XKR3: variants seen among roughly 807,000 people sequenced by gnomAD.
XKR3 encodes XK-related protein 3.
In XKR3, 27 loss-of-function variants were observed where a neutral mutation model predicts 40.3. The ratio of observed to expected loss-of-function variants is 0.67; its 90% CI spans 0.49 to 0.92. The LOEUF is 0.92. Among genes scored for constraint, XKR3 ranks in the 40% least tolerant of loss-of-function variants. The pLI is 0.00. For missense variants in XKR3, 472 were observed against 537.6 expected, an observed-to-expected ratio of 0.88 and a Z score of 1.21; for synonymous variants, 193 against 195.4, an observed-to-expected ratio of 0.99 and a Z score of 0.10.
intron 3 of XKR3, among the ~76,000 whole-genome samples, chr22:16,797,543 A>G (rs2146153019): frequency 6.6e-6 from 1 of 152,310 alleles, no homozygotes; most frequent in South Asian, 2.1e-4. Flanking sequence ...CTGTAATCCC[A>G]GCACTTTGGG....
chr22:16,821,836 T>C (rs2060257550), intron 1 of XKR3: 1 of 152,138 alleles, frequency 6.6e-6, no homozygotes, highest in African/African-American at 2.4e-5. Context: ...AATATGATTA[T>C]TTTATGTGAA....
At chr22:16,815,963 TGC>T (rs2060231561) in intron 1 of XKR3, among the ~76,000 whole-genome samples, 1 of 151,934 alleles carries the variant, frequency 6.6e-6, no homozygotes, top group Non-Finnish European at 1.5e-5. Context: ...CCTTATTGCT[TGC>T]ATTTTTTCTA....
chr22:16,814,506 A>G (rs1347765761), intron 1 of XKR3, among the ~76,000 whole-genome samples: 1 of 152,158 alleles, frequency 6.6e-6, no homozygotes, highest in Non-Finnish European at 1.5e-5. Context: ...AGCTATTTTT[A>G]TAAAGAAGCC....
At chr22:16,785,335 A>C (rs1441022338) in intron 3 of XKR3, among the ~76,000 whole-genome samples, 1 of 152,002 alleles carries the variant, frequency 6.6e-6, no homozygotes, top group African/African-American at 2.4e-5. Context: ...AAACAAAAAA[A>C]AAGAAGTGTG....
intron 1 of XKR3, among the ~76,000 whole-genome samples, 52 bp downstream of exon 1, chr22:16,825,239 A>G (rs1475784991): frequency 6.6e-6 from 1 of 152,152 alleles, no homozygotes; most frequent in Admixed American, 6.5e-5. Context: ...GGCAGAGGTC[A>G]AGGTAGGCTG....
intron 3 of XKR3, among the ~76,000 whole-genome samples, chr22:16,786,769 T>G (rs2060092480): frequency 6.6e-6 from 1 of 152,130 alleles, no homozygotes; most frequent in African/African-American, 2.4e-5. Flanking sequence ...AGGCTTACTG[T>G]AGAAAGAAGC....
intron 1 of XKR3, among the ~76,000 whole-genome samples, chr22:16,808,941 A>G (rs2060201951): frequency 6.6e-6 from 1 of 152,206 alleles, no homozygotes; most frequent in South Asian, 2.1e-4. Context: ...TTGAAAGCAC[A>G]AAAAATGAGT....
chr22:16,799,983 T>C lies in XKR3; in HGVS notation c.377A>G (p.Asn126Ser). 1 of 1,614,120 alleles carries C rather than the reference T, an allele frequency of 6.2e-7. No individual in the cohort carries two copies. Among genetic ancestry groups the C allele is most frequent in the Non-Finnish European group, 8.5e-7 (1 of 1,180,008 alleles). Residue 126 changes from asparagine to serine, a missense_variant, in exon 3 of 4, where the codon AAT (asparagine) becomes AGT (serine). Asn to Ser is a conservative substitution (Grantham distance 46). Transcript: ENST00000684488. ...TIRNYHKWLK[N>S]LKQEKEETQV... ...AGTCTCTTCCTTCTCCTGTTTAAGA[T>C]TTTTCAACCATTTGTGGTAATTTCT...
intron 1 of XKR3, among the ~76,000 whole-genome samples, chr22:16,823,544 T>A (rs917049112): frequency 6.6e-6 from 1 of 152,208 alleles, no homozygotes. Context: ...TAAAATAAAC[T>A]TAAACACCTT....
chr22:16,795,165 C>T (rs969755924), intron 3 of XKR3, among the ~76,000 whole-genome samples: 151 of 152,126 alleles, frequency 9.9e-4, no homozygotes, highest in African/African-American at 3.4e-3. Context: ...CTAAGGCAAG[C>T]CTCATTAAAT....
chr22:16,811,415 C>T (rs1038104705), intron 1 of XKR3, among the ~76,000 whole-genome samples: 5 of 151,846 alleles, frequency 3.3e-5, no homozygotes, highest in Non-Finnish European at 5.9e-5. Flanking sequence ...CTGAGTCCAC[C>T]GTGGCTGGCC....
Position 16,808,006 on chromosome 22 carries a change from A to C in XKR3, c.68T>G (p.Ile23Arg), listed in dbSNP as rs1344303401. 1 of 1,613,566 alleles carries C rather than the reference A, an allele frequency of 6.2e-7. No homozygotes were observed. Among genetic ancestry groups the C allele is most frequent in the Admixed American group, 1.7e-5 (1 of 59,920 alleles). The change falls in exon 2 of 4, where the codon ATA (isoleucine) becomes AGA (arginine). Residue 23 changes from isoleucine (I) to arginine (R), a missense_variant. Physicochemically the swap from Ile to Arg is moderately conservative, Grantham distance 97. Coordinates refer to ENST00000684488, the MANE Select transcript of XKR3 (RefSeq NM_001386955.1). Reference sequence around the variant, plus strand: ...TAGATGGAGTCTCTGGCCAAGGACTATTTCTTCTTTCGAAGATGAAACTCC... The same window carrying C: ...TAGATGGAGTCTCTGGCCAAGGACTCTTTCTTCTTTCGAAGATGAAACTCC... ...TGGVSSSKEEIVLGQRLHLSF... is the reference protein window; with the variant it reads ...TGGVSSSKEERVLGQRLHLSF...
At chr22:16,801,676 A>G (rs1334557925) in intron 2 of XKR3, among the ~76,000 whole-genome samples, 1 of 151,018 alleles carries the variant, frequency 6.6e-6, no homozygotes, top group East Asian at 1.9e-4. Context: ...CAAGAAATAA[A>G]AGCTATCAGC....
At chr22:16,814,132 G>A (rs1345170768) in intron 1 of XKR3, among the ~76,000 whole-genome samples, 7 of 152,114 alleles carry the variant, frequency 4.6e-5, no homozygotes, top group African/African-American at 1.4e-4. Flanking sequence ...AAAGATTAAC[G>A]TCTACCTTTT....
chr22:16,807,416 G>A (rs187447450), intron 2 of XKR3, among the ~76,000 whole-genome samples: 24 of 152,162 alleles, frequency 1.6e-4, no homozygotes, highest in Middle Eastern at 3.4e-3. Flanking sequence ...TTAATTTAAG[G>A]TTATAGTTCT....
At chr22:16,808,197 G>A in intron 1 of XKR3, 114 bp from the exon 2 acceptor site, 1 of 728,296 alleles carries the variant, frequency 1.4e-6, no homozygotes, top group Non-Finnish European at 2.2e-6. Context: ...TTAACAGGTA[G>A]ATATGGATCA....
Position 16,784,225 on chromosome 22 carries a change from T to G in XKR3, c.774A>C (p.Ala258=). The G allele has an allele frequency of 6.2e-7, 1 of 1,614,162 alleles. No individual in the cohort carries two copies. Among genetic ancestry groups the G allele is most frequent in the Non-Finnish European group, 8.5e-7 (1 of 1,180,026 alleles). The change falls in exon 4 of 4, where the codon GCA becomes GCC. Residue 258 remains alanine (A), a synonymous_variant. Coordinates refer to ENST00000684488, the MANE Select transcript of XKR3 (RefSeq NM_001386955.1). ...CGGGTAGGCTCTTCAGTTTCAGAGATGCAATGAAAAATGCCAGAGTCACTA... is the reference window on the plus strand; with the variant it reads ...CGGGTAGGCTCTTCAGTTTCAGAGAGGCAATGAAAAATGCCAGAGTCACTA... ...SRVVTLAFFI[A]SLKLKSLPVL...
intron 1 of XKR3, among the ~76,000 whole-genome samples, chr22:16,814,507 T>A (rs1390513803): frequency 6.6e-6 from 1 of 152,318 alleles, no homozygotes; most frequent in East Asian, 1.9e-4. Context: ...GCTATTTTTA[T>A]AAAGAAGCCA....
At chr22:16,803,523 G>GT (rs2060177709) in intron 2 of XKR3, among the ~76,000 whole-genome samples, 1 of 152,176 alleles carries the variant, frequency 6.6e-6, no homozygotes, top group Non-Finnish European at 1.5e-5. Flanking sequence ...TAAAAAGGAG[G>GT]TTTTATAATG....
Sources: allele counts gnomAD v4.1 joint callset (sites outside exome capture counted in the v4.1 genomes callset), GRCh38; gene constraint gnomAD v4.1.1; transcripts MANE v1.5; gene names NCBI Gene and HGNC (gene_info 2026-07-23, HGNC 2026-07-21).